Variants in ASH1L observed in about 807,000 individuals in gnomAD.
ASH1L encodes ASH1 like histone lysine methyltransferase, also known as histone-lysine N-methyltransferase ASH1L.
In ASH1L, 23 loss-of-function variants were observed where a neutral mutation model predicts 269.0. The ratio of observed to expected loss-of-function variants is 0.09; its 90% CI spans 0.06 to 0.12. ASH1L has a LOEUF of 0.12. Among genes scored for constraint, ASH1L ranks in the 10% least tolerant of loss-of-function variants. The pLI, the probability that ASH1L is intolerant of heterozygous loss-of-function variation, is 1.00. For synonymous variants in ASH1L, 1,187 were observed against 1,253.5 expected, an observed-to-expected ratio of 0.95 and a Z score of 1.12; for missense variants, 2,912 against 3,567.8, an observed-to-expected ratio of 0.82 and a Z score of 4.68.
At chr1:155,392,596 C>T (rs1399917773) in intron 7 of ASH1L, among the ~76,000 whole-genome samples, 2 of 152,078 alleles carry the variant, frequency 1.3e-5, no homozygotes, top group Non-Finnish European at 2.9e-5. Context: ...TCAAGTGATT[C>T]TCGTGCCTCA....
At chr1:155,456,054 A>G (rs550608939) in intron 4 of ASH1L, among the ~76,000 whole-genome samples, 9 of 152,234 alleles carry the variant, frequency 5.9e-5, no homozygotes, top group South Asian at 2.1e-4. Flanking sequence ...ATGTGTTCCA[A>G]TTACCAGACT....
chr1:155,488,668 C>CCAA (rs1666516013), intron 2 of ASH1L, among the ~76,000 whole-genome samples: 1 of 29,188 alleles, frequency 3.4e-5, no homozygotes, highest in Non-Finnish European at 6.5e-5. Context: ...GACTCTGTCA[C>CCAA]AAAAAAAAAA....
rs371493386 is a variant in ASH1L at position 155,339,359 on chromosome 1, C to T, written c.8470G>A (p.Val2824Ile). 126 of 1,613,380 alleles carry T rather than the reference C, an allele frequency of 7.8e-5. No homozygotes were observed. The highest frequency in any genetic ancestry group is 1.6e-4 in the Middle Eastern group (1 of 6,082). The change falls in exon 26 of 28, where the codon GTC (valine) becomes ATC (isoleucine). Residue 2824 changes from valine to isoleucine, a missense_variant. Physicochemically the swap from Val to Ile is conservative, Grantham distance 29. Transcript: ENST00000392403. ...CCATTCCTCTTGTAGTTGTCTGGGA[C>T]GTAATGAGGCTGCAGAGAAGAAAAG... is the stretch of plus-strand genomic sequence containing the variant. Reference protein sequence around the residue: ...TPKKDFSPHYVPDNYKRNGGR... With the variant: ...TPKKDFSPHYIPDNYKRNGGR...
At chr1:155,367,697 T>C (rs1429172747) in intron 12 of ASH1L, among the ~76,000 whole-genome samples, 1 of 152,216 alleles carries the variant, frequency 6.6e-6, no homozygotes, top group African/African-American at 2.4e-5. Flanking sequence ...TCTGCTTCTA[T>C]TGAGACAATA....
intron 6 of ASH1L, among the ~76,000 whole-genome samples, chr1:155,404,927 C>A (rs1315273092): frequency 6.6e-6 from 1 of 151,786 alleles, no homozygotes; most frequent in Non-Finnish European, 1.5e-5. Flanking sequence ...ACTCGGGAGG[C>A]TGAGGCAGGA....
At chr1:155,482,863 T>C (rs1393958607) in intron 2 of ASH1L, among the ~76,000 whole-genome samples, 1 of 152,186 alleles carries the variant, frequency 6.6e-6, no homozygotes, top group Non-Finnish European at 1.5e-5. Context: ...AATAATAGTT[T>C]ACTGCCTACC....
At chr1:155,466,214 C>T (rs1664688497) in intron 3 of ASH1L, among the ~76,000 whole-genome samples, 1 of 151,916 alleles carries the variant, frequency 6.6e-6, no homozygotes, top group African/African-American at 2.4e-5. Flanking sequence ...ATTAGCCAGG[C>T]GTGGTGGCGG....
At chr1:155,476,385 CA>C (rs911113909) in intron 3 of ASH1L, among the ~76,000 whole-genome samples, 7 of 150,966 alleles carry the variant, frequency 4.6e-5, no homozygotes. Flanking sequence ...GACTCCGTCT[CA>C]AAATAAAAAA....
intron 3 of ASH1L, among the ~76,000 whole-genome samples, chr1:155,468,138 T>C (rs567492348): frequency 2.0e-5 from 3 of 152,156 alleles, no homozygotes; most frequent in Non-Finnish European, 4.4e-5. Context: ...CTCTGTTCTG[T>C]AAAAGCTTCT....
chr1:155,354,497 G>C lies in ASH1L; in HGVS notation c.7189C>G (p.Arg2397Gly). The C allele has an allele frequency of 6.2e-7, 1 of 1,610,498 alleles. No individual in the cohort carries two copies. Among genetic ancestry groups the C allele is most frequent in the East Asian group, 2.2e-5 (1 of 44,800 alleles). The change falls in exon 16 of 28, where the codon CGA becomes GGA. Residue 2397 changes from arginine (R) to glycine (G), a missense_variant. Physicochemically the swap from Arg to Gly is moderately radical, Grantham distance 125. This residue lies in a region of ASH1L where 309 missense variants were observed against 435.1 expected (regional missense o/e 0.71). Transcript: ENST00000392403. The stretch of plus-strand genomic sequence containing the variant: ...CCAGACTTGATATTCCCATCATCTC[G>C]GCAGATCCCATTCCAACGGGTATAT... ...SLYTRWNGIC[R>G]DDGNIKSDVF... is the part of the protein sequence containing the mutation.
intron 1 of ASH1L, among the ~76,000 whole-genome samples, chr1:155,543,276 CA>C (rs1441013945): frequency 1.3e-5 from 2 of 150,090 alleles, no homozygotes; most frequent in East Asian, 4.0e-4. Flanking sequence ...TCTGGGAGGC[CA>C]AGGCAGGCAG....
intron 5 of ASH1L, among the ~76,000 whole-genome samples, chr1:155,436,910 T>C (rs1490470490): frequency 2.0e-5 from 3 of 152,204 alleles, no homozygotes; most frequent in Non-Finnish European, 4.4e-5. Flanking sequence ...ATACCCAGTT[T>C]TCCCAGCATG....
At chr1:155,421,514 T>C (rs1392521576) in intron 5 of ASH1L, among the ~76,000 whole-genome samples, 5 of 150,716 alleles carry the variant, frequency 3.3e-5, no homozygotes, top group African/African-American at 7.3e-5. Flanking sequence ...CTTCTAAAAA[T>C]AGAAAAAATA....
chr1:155,430,375 T>C (rs1487184252), intron 5 of ASH1L, among the ~76,000 whole-genome samples: 1 of 152,146 alleles, frequency 6.6e-6, no homozygotes, highest in Non-Finnish European at 1.5e-5. Flanking sequence ...TGGTAGAAGT[T>C]AAAATTGGGT....
intron 2 of ASH1L, among the ~76,000 whole-genome samples, chr1:155,494,184 AGACAAAGATG>A (rs1666996670): frequency 6.6e-6 from 1 of 152,176 alleles, no homozygotes; most frequent in Non-Finnish European, 1.5e-5. Context: ...AGGAGGTGAA[AGACAAAGATG>A]GATCCATGTA....
chr1:155,540,060 C>T (rs924984457), intron 1 of ASH1L, among the ~76,000 whole-genome samples: 14 of 150,726 alleles, frequency 9.3e-5, no homozygotes, highest in Non-Finnish European at 7.4e-5. Flanking sequence ...AGAGCAAGAC[C>T]TTGTCTCAAA....
At chr1:155,522,212 T>C (rs1668938311) in intron 1 of ASH1L, among the ~76,000 whole-genome samples, 2 of 152,224 alleles carry the variant, frequency 1.3e-5, no homozygotes, top group Non-Finnish European at 2.9e-5. Context: ...TTTTTGAGGT[T>C]AGGACTCTCT....
intron 7 of ASH1L, among the ~76,000 whole-genome samples, chr1:155,388,823 G>T (rs181156258): frequency 6.6e-6 from 1 of 150,508 alleles, no homozygotes; most frequent in East Asian, 1.9e-4. Context: ...GGGCTCAAGT[G>T]ATCCTCCTGC....
rs140584174 is a variant in ASH1L, at chr1:155,443,616, A to G, written c.5087-4548T>C. ...TAAATTGCCTGTCATCCACAGCCTC[A>G]GAGAAGAAACAACTGATCTGCTTCC... On this transcript the variant is annotated intron_variant, in intron 4 of 27. Transcript: ENST00000392403. 3.0e-3 allele frequency among the ~76,000 whole-genome samples: 456 copies of G among 152,318 alleles called. 1 individual carries two copies. The highest frequency in any genetic ancestry group is 0.011 in the African/African-American group (438 of 41,582).
Sources: allele counts gnomAD v4.1 joint callset (sites outside exome capture counted in the v4.1 genomes callset), GRCh38; gene constraint gnomAD v4.1.1; regional missense constraint gnomAD v4.1.1; transcripts MANE v1.5; gene names NCBI Gene and HGNC (gene_info 2026-07-23, HGNC 2026-07-21).